The following CSMD1 variants were observed in gnomAD, a reference collection of about 807,000 sequenced individuals.
CSMD1 encodes CUB and Sushi multiple domains 1, also known as CUB and sushi domain-containing protein 1.
Under a neutral mutation model 417.5 loss-of-function variants are expected in CSMD1, and 213 were observed. The observed-to-expected ratio is 0.51, with a 90% confidence interval of 0.46 to 0.57. The LOEUF is 0.57. Ranked by LOEUF, CSMD1 falls within the 20% of genes least tolerant of loss-of-function variation. The pLI, the probability that CSMD1 is intolerant of heterozygous loss-of-function variation, is 0.00. For missense variants in CSMD1, 6,923 were observed against 4,529.7 expected (o/e 1.53, Z -15.17); for synonymous variants, 2,862 against 1,736.8 (o/e 1.65, Z -16.11).
intron 54 of CSMD1, 116 bp downstream of exon 54, chr8:2,997,895 T>C: frequency 1.0e-6 from 1 of 967,208 alleles, no homozygotes; most frequent in Non-Finnish European, 1.5e-6. Context: ...ATGGTGAGAG[T>C]TTGCAGAACT....
intron 65 of CSMD1, 118 bp from the exon 66 acceptor site, chr8:2,951,393 T>C: frequency 3.7e-6 from 4 of 1,070,724 alleles, no homozygotes; most frequent in Non-Finnish European, 5.2e-6. Context: ...AGGGCAGTGA[T>C]GAAGACAAGA....
intron 3 of CSMD1, among the ~76,000 whole-genome samples, chr8:4,236,258 A>G (rs1190888074): frequency 6.6e-6 from 1 of 151,974 alleles, no homozygotes; most frequent in African/African-American, 2.4e-5. Flanking sequence ...GAGGGGCTTT[A>G]TTTGTAATTG....
chr8:3,789,332 C>T (rs796144571), intron 5 of CSMD1, among the ~76,000 whole-genome samples: 13 of 150,504 alleles, frequency 8.6e-5, no homozygotes, highest in African/African-American at 3.2e-4. Flanking sequence ...CAGACTAATA[C>T]AGAGAATAAT....
chr8:3,905,656 A>T (rs879773958), intron 5 of CSMD1, among the ~76,000 whole-genome samples: 1 of 152,212 alleles, frequency 6.6e-6, no homozygotes, highest in Admixed American at 6.5e-5. Flanking sequence ...GGCAATGCTC[A>T]TACTGCCAGT....
rs146278054 is a variant in CSMD1 at position 4,954,379 on chromosome 8, T to A, written c.85+39953A>T. Among the ~76,000 whole-genome samples the A allele has an allele frequency of 8.9e-4, 136 of 152,262 alleles. 4 individuals are homozygous for A. The East Asian group carries it at 0.022, about 25-fold the overall frequency. The stretch of plus-strand genomic sequence containing the variant: ...ACTCTAAAGACACATTTTTTGTGTG[T>A]GATTGTTTTCTGATTGAAGCTGTTT... On this transcript the variant is annotated intron_variant, in intron 1 of 69. Coordinates refer to ENST00000635120, the MANE Select transcript of CSMD1 (RefSeq NM_033225.6).
chr8:3,401,652 T>A (rs142730085), intron 15 of CSMD1, among the ~76,000 whole-genome samples: 1 of 152,204 alleles, frequency 6.6e-6, no homozygotes, highest in African/African-American at 2.4e-5. Flanking sequence ...AAATGTGGCA[T>A]GTCTAGGTCT....
At chr8:4,311,090 G>A (rs1446215331) in intron 3 of CSMD1, among the ~76,000 whole-genome samples, 1 of 152,142 alleles carries the variant, frequency 6.6e-6, no homozygotes, top group East Asian at 1.9e-4. Context: ...AAGCAATGTG[G>A]CATATCTTCA....
intron 3 of CSMD1, among the ~76,000 whole-genome samples, chr8:4,103,475 G>C (rs912117015): frequency 6.7e-6 from 1 of 150,220 alleles, no homozygotes. Flanking sequence ...ATTTTAAAAA[G>C]GGTTTTACAT....
chr8:2,968,547 T>G (rs987800596), intron 57 of CSMD1, among the ~76,000 whole-genome samples: 1 of 152,240 alleles, frequency 6.6e-6, no homozygotes, highest in Non-Finnish European at 1.5e-5. Flanking sequence ...CCCTCAAATA[T>G]TGTACTGTGG....
At chr8:3,143,947 T>C (rs1380252979) in intron 40 of CSMD1, among the ~76,000 whole-genome samples, 1 of 152,164 alleles carries the variant, frequency 6.6e-6, no homozygotes, top group Non-Finnish European at 1.5e-5. Context: ...TGAAAAATTG[T>C]AGGGAGGAAA....
Position 3,165,753 on chromosome 8 carries a change from G to A in CSMD1, c.5726-3476C>T, listed in dbSNP as rs1820169256. Among the ~76,000 whole-genome samples the A allele has an allele frequency of 1.3e-5, 2 of 152,142 alleles. 1 individual carries two copies. The highest frequency in any genetic ancestry group is 2.9e-5 in the Non-Finnish European group (2 of 68,028). On this transcript the variant is annotated intron_variant, in intron 37 of 69. Coordinates refer to ENST00000635120, the MANE Select transcript of CSMD1 (RefSeq NM_033225.6). ...AGGTGTGTCAGATGCAGGGGCAGAA[G>A]ACAGCTAGGCTTGACATACAGGACA...
chr8:3,839,541 T>C (rs568644371), intron 5 of CSMD1, among the ~76,000 whole-genome samples: 304 of 86,446 alleles, frequency 3.5e-3, no homozygotes, highest in African/African-American at 0.011. Context: ...TAAGATTTTA[T>C]ATATTATATA....
At position 3,616,752 on chromosome 8, in the gene CSMD1, G is replaced by A; in HGVS notation, c.1055C>T (p.Pro352Leu). The change falls in exon 8 of 70, where the codon CCT becomes CTT. Residue 352 changes from proline (P) to leucine (L), a missense_variant. By Grantham distance (98) the Pro-to-Leu change is moderately conservative. Coordinates refer to ENST00000635120, the MANE Select transcript of CSMD1 (RefSeq NM_033225.6). ...TCTTCTACCATTTTCTGGAATCCCA[G>A]GATCTGGACACATGTCAGAGACCAA... is the stretch of plus-strand genomic sequence containing the variant. ...VALVSDMCPDPGIPENGRRAG... is the reference protein window; with the variant it reads ...VALVSDMCPDLGIPENGRRAG... 6.2e-7 allele frequency: 1 copy of A among 1,612,592 alleles called. No homozygotes were observed. The highest frequency in any genetic ancestry group is 1.7e-4 in the Middle Eastern group (1 of 6,050).
intron 2 of CSMD1, among the ~76,000 whole-genome samples, chr8:4,429,183 T>C (rs1044186288): frequency 6.6e-6 from 1 of 151,254 alleles, no homozygotes; most frequent in African/African-American, 2.4e-5. Context: ...TATAATTGGA[T>C]AGAATTCTAA....
At chr8:3,217,080 C>A (rs771479129) in intron 29 of CSMD1, among the ~76,000 whole-genome samples, 1 of 152,226 alleles carries the variant, frequency 6.6e-6, no homozygotes, top group Non-Finnish European at 1.5e-5. Context: ...CTGCTCCAGG[C>A]TGGATACAAT....
intron 3 of CSMD1, among the ~76,000 whole-genome samples, chr8:4,045,909 C>A (rs960133298): frequency 1.3e-5 from 2 of 151,896 alleles, no homozygotes; most frequent in South Asian, 2.1e-4. Context: ...TGAACACACA[C>A]AGGTATTACA....
intron 5 of CSMD1, among the ~76,000 whole-genome samples, chr8:3,995,545 G>A (rs1237898171): frequency 6.6e-6 from 1 of 152,200 alleles, no homozygotes; most frequent in Non-Finnish European, 1.5e-5. Context: ...TGACTGAGGG[G>A]CTATACATAG....
chr8:3,473,324 C>A (rs953969131), intron 11 of CSMD1, among the ~76,000 whole-genome samples: 1 of 152,070 alleles, frequency 6.6e-6, no homozygotes, highest in Non-Finnish European at 1.5e-5. Flanking sequence ...GGAATTTAAG[C>A]CTGCTATGTG....
Position 3,162,284 on chromosome 8 carries a change from A to G in CSMD1, c.5726-7T>C, listed in dbSNP as rs368104233. 1.4e-5 allele frequency: 21 copies of G among 1,554,668 alleles called. No homozygotes were observed. The highest frequency in any genetic ancestry group is 1.4e-5 in the African/African-American group (1 of 73,892). On this transcript the variant is annotated splice_region_variant and splice_polypyrimidine_tract_variant and intron_variant, in intron 37 of 69. Coordinates refer to ENST00000635120, the MANE Select transcript of CSMD1 (RefSeq NM_033225.6). Reference sequence around the variant, plus strand: ...CATGCAGCAAGACCTACAGCTAGAAATGCAAAGACAAATGCTAGAAATTAT... The same window carrying G: ...CATGCAGCAAGACCTACAGCTAGAAGTGCAAAGACAAATGCTAGAAATTAT...
Sources: gnomAD v4.1 joint callset for allele counts (sites outside exome capture counted in the v4.1 genomes callset) on GRCh38, gnomAD v4.1.1 for gene constraint, MANE v1.5 for transcripts, NCBI Gene and HGNC (gene_info 2026-07-23, HGNC 2026-07-21) for gene names.